GALK2: variants seen among roughly 807,000 people sequenced by gnomAD.
The protein encoded by GALK2 is N-acetylgalactosamine kinase.
In GALK2, 36 loss-of-function variants were observed where a neutral mutation model predicts 52.4. The observed-to-expected ratio is 0.69, with a 90% CI of 0.53 to 0.91. The LOEUF (loss-of-function observed/expected upper bound fraction) is 0.91. Ranked by LOEUF, GALK2 falls within the 40% of genes least tolerant of loss-of-function variation. The pLI is 0.00. For synonymous variants in GALK2, 176 were observed against 199.1 expected (o/e 0.88, Z 0.98); for missense variants, 579 against 559.1 (o/e 1.04, Z -0.36).
chr15:49,256,608 T>A (rs1479343206), intron 5 of GALK2, among the ~76,000 whole-genome samples: 1 of 152,164 alleles, frequency 6.6e-6, no homozygotes, highest in East Asian at 1.9e-4. Context: ...GTATATTTGC[T>A]TACTCAGTAC....
intron 8 of GALK2, among the ~76,000 whole-genome samples, chr15:49,316,285 A>G (rs1450287470): frequency 6.6e-6 from 1 of 152,212 alleles, no homozygotes; most frequent in Non-Finnish European, 1.5e-5. Context: ...TGATAATGAT[A>G]TAGTGGTTAT....
chr15:49,292,242 A>G, intron 7 of GALK2, 85 bp from the exon 8 acceptor site: 1 of 1,237,096 alleles, frequency 8.1e-7, no homozygotes, highest in South Asian at 1.4e-5. Context: ...AACAAAAAAC[A>G]GCTTAACGTT....
chr15:49,328,600 C>T lies in GALK2; in HGVS notation c.*441C>T. ...TCTTCTTCCTCAAAGTTGTAGTTGT[C>T]TGTTGATGATGGTGATGATGATGAT... On this transcript the variant is annotated 3_prime_UTR_variant, in exon 10 of 10. Transcript: ENST00000560031. 1 of 1,595,558 alleles carries T rather than the reference C, an allele frequency of 6.3e-7. No homozygotes were observed. Among genetic ancestry groups the T allele is most frequent in the Non-Finnish European group, 8.6e-7 (1 of 1,167,948 alleles).
At position 49,253,753 on chromosome 15, in the gene GALK2, T is replaced by C. The variant is rs1275143147; in HGVS notation, c.504+14386T>C. Among the ~76,000 whole-genome samples the C allele has an allele frequency of 3.5e-5, 5 of 144,260 alleles. No individual in the cohort carries two copies. In the East Asian group the frequency reaches 7.7e-4, roughly 22 times the overall value. The allele number at this position is 144,260 out of a possible 152,430, so 94.6% of individuals were successfully genotyped here. A position where few individuals can be genotyped will look rare whatever the true frequency, so the allele number is the denominator to read the frequency against. The stretch of plus-strand genomic sequence containing the variant: ...AGTGTTTACTTAGGACTCTAGACTT[T>C]ATGTTATATCAAAGAGATATGGAAG... On this transcript the variant is annotated intron_variant, in intron 5 of 9. Transcript: ENST00000560031.
intron 5 of GALK2, among the ~76,000 whole-genome samples, chr15:49,254,738 G>A (rs953707171): frequency 7.0e-6 from 1 of 143,678 alleles, no homozygotes; most frequent in South Asian, 2.3e-4. Flanking sequence ...TTAATGCAGG[G>A]TGCTTTTATA....
intron 3 of GALK2, 59 bp downstream of exon 3, chr15:49,217,372 A>ACTC: frequency 6.5e-7 from 1 of 1,547,054 alleles, no homozygotes; most frequent in Non-Finnish European, 8.8e-7. Flanking sequence ...ACCCAAATGA[A>ACTC]CTCTTTAGGA....
intron 8 of GALK2, among the ~76,000 whole-genome samples, chr15:49,316,027 C>G (rs956117061): frequency 1.3e-5 from 2 of 152,174 alleles, no homozygotes; most frequent in Non-Finnish European, 2.9e-5. Context: ...AGTTTTATTA[C>G]AGGATATGGC....
At chr15:49,217,384 A>C in intron 3 of GALK2, 71 bp downstream of exon 3, 2 of 1,403,272 alleles carry the variant, frequency 1.4e-6, no homozygotes, top group Non-Finnish European at 9.6e-7. Flanking sequence ...TCTTTAGGAG[A>C]CATCAAATTT....
Position 49,367,609 on chromosome 15 carries a change from C to T in GALK2, c.*73C>T, listed in dbSNP as rs1174768205. The T allele has an allele frequency of 6.5e-6, 10 of 1,548,112 alleles. No individual in the cohort carries two copies. In the African/African-American group the frequency reaches 1.4e-4, roughly 22 times the overall value. Reference sequence around the variant, plus strand: ...CTGGACCAGTACTACTATAGTGCGACTGTAAGAGGAAGAAAATAATCAAGA... The same window carrying T: ...CTGGACCAGTACTACTATAGTGCGATTGTAAGAGGAAGAAAATAATCAAGA... On this transcript the variant is annotated 3_prime_UTR_variant, in exon 4 of 4. Coordinates refer to the GALK2 transcript ENST00000558399.
chr15:49,251,824 T>TA (rs2091614909), intron 5 of GALK2, among the ~76,000 whole-genome samples: 1 of 152,152 alleles, frequency 6.6e-6, no homozygotes, highest in South Asian at 2.1e-4. Flanking sequence ...TTCCTAAACA[T>TA]AAAAAATAGC....
intron 2 of GALK2, among the ~76,000 whole-genome samples, chr15:49,208,486 T>C (rs12901757): frequency 6.6e-6 from 1 of 152,250 alleles, no homozygotes; most frequent in Non-Finnish European, 1.5e-5. Flanking sequence ...ATAGTTGATT[T>C]CCAGTTTTAT....
intron 5 of GALK2, among the ~76,000 whole-genome samples, chr15:49,254,395 TTTC>T (rs2091730128): frequency 6.9e-6 from 1 of 144,648 alleles, no homozygotes; most frequent in African/African-American, 2.5e-5. Context: ...TATCTGATTA[TTTC>T]TTCTTCTGAT....
At chr15:49,251,697 CTCTGAT>C (rs1009492593) in intron 5 of GALK2, among the ~76,000 whole-genome samples, 16 of 152,288 alleles carry the variant, frequency 1.1e-4, no homozygotes, top group African/African-American at 3.9e-4. Flanking sequence ...CATCATTCCA[CTCTGAT>C]TCTAAGTGCT....
intron 1 of GALK2, among the ~76,000 whole-genome samples, chr15:49,190,544 A>G (rs906242825): frequency 1.3e-5 from 2 of 152,248 alleles, no homozygotes; most frequent in Non-Finnish European, 2.9e-5. Flanking sequence ...GATATTTGTC[A>G]AAAGACAAAA....
chr15:49,355,686 A>T (rs1742990091), intron 3 of GALK2, among the ~76,000 whole-genome samples: 1 of 151,542 alleles, frequency 6.6e-6, no homozygotes, highest in South Asian at 2.1e-4. Context: ...ATCCAGGAGA[A>T]CTTCCCCAAT....
At chr15:49,163,056 A>C (rs529374659) in intron 1 of GALK2, among the ~76,000 whole-genome samples, 2 of 152,336 alleles carry the variant, frequency 1.3e-5, no homozygotes, top group African/African-American at 4.8e-5. Flanking sequence ...CTTTTTAAGA[A>C]ACTCTCAAAT....
chr15:49,239,500 G>A (rs1373472719), intron 5 of GALK2, 133 bp downstream of exon 5: 6 of 767,594 alleles, frequency 7.8e-6, no homozygotes, highest in Non-Finnish European at 1.3e-5. Context: ...GGCAAGCATT[G>A]TAACTTAACA....
chr15:49,282,222 C>G (rs1567017488), intron 6 of GALK2, 137 bp downstream of exon 6: 1 of 522,896 alleles, frequency 1.9e-6, no homozygotes, highest in East Asian at 3.2e-5. Flanking sequence ...GATATTATTT[C>G]CCAACTGCTT....
Position 49,359,406 on chromosome 15 carries a change from A to G in GALK2, c.427-8085A>G, listed in dbSNP as rs2043775158. 2.5e-5 allele frequency among the ~76,000 whole-genome samples: 3 copies of G among 119,054 alleles called. 1 individual carries two copies. The highest frequency in any genetic ancestry group is 2.4e-4 in the Admixed American group (3 of 12,570). The allele number at this position is 119,054 out of a possible 152,430, so 78.1% of individuals were successfully genotyped here. On this transcript the variant is annotated intron_variant, in intron 3 of 3. Transcript: ENST00000558399. ...CAAATTTACAAGAAAAAAACAAACAACCCCATCAAATAGTGGGCGAAGGAC... is the reference window on the plus strand; with the variant it reads ...CAAATTTACAAGAAAAAAACAAACAGCCCCATCAAATAGTGGGCGAAGGAC...
Sources: allele counts gnomAD v4.1 joint callset (sites outside exome capture counted in the v4.1 genomes callset), GRCh38; gene constraint gnomAD v4.1.1; transcripts MANE v1.5; gene names NCBI Gene and HGNC (gene_info 2026-07-23, HGNC 2026-07-21).